Variants in UGT1A6 observed in about 807,000 individuals in gnomAD.
UGT1A6 encodes UDP glucuronosyltransferase family 1 member A6, also known as UDP-glucuronosyltransferase 1A6.
A neutral mutation model predicts 44.4 loss-of-function variants in UGT1A6; 32 were observed. The observed-to-expected ratio is 0.72, with a 90% CI of 0.54 to 0.97. The LOEUF is 0.97. Among genes scored for constraint, UGT1A6 ranks in the 50% least tolerant of loss-of-function variants. The probability of loss-of-function intolerance (pLI) is 0.00; values close to 1 mark genes in which losing one functional copy is unlikely to be tolerated. For missense variants in UGT1A6, 685 were observed against 661.9 expected, an observed-to-expected ratio of 1.03 and a Z score of -0.38; for synonymous variants, 238 against 248.5, an observed-to-expected ratio of 0.96 and a Z score of 0.40.
intron 1 of UGT1A6, among the ~76,000 whole-genome samples, chr2:233,720,925 G>A (rs1022099948): frequency 2.7e-5 from 4 of 149,372 alleles, no homozygotes; most frequent in African/African-American, 9.9e-5. Context: ...TAGCCAGGCT[G>A]GTCTTGAACT....
rs1191601958 is a variant in UGT1A6, at chr2:233,739,349, G to A, written c.862-27685G>A. ...GCCACAGTCCTTCAGAACCCAGAAGGGCAGATCCAATAGCTTGCACTGTGT... is the reference window on the plus strand; with the variant it reads ...GCCACAGTCCTTCAGAACCCAGAAGAGCAGATCCAATAGCTTGCACTGTGT... On this transcript the variant is annotated intron_variant, in intron 1 of 4. Coordinates refer to ENST00000305139, the MANE Select transcript of UGT1A6 (RefSeq NM_001072.4). Among the ~76,000 whole-genome samples, 6 of 152,284 alleles carry A rather than the reference G, an allele frequency of 3.9e-5. No homozygotes were observed. In the East Asian group the frequency reaches 5.8e-4, roughly 15 times the overall value.
At chr2:233,763,669 C>T (rs902437322) in intron 1 of UGT1A6, among the ~76,000 whole-genome samples, 1 of 152,168 alleles carries the variant, frequency 6.6e-6, no homozygotes, top group Non-Finnish European at 1.5e-5. Context: ...AACTCCTGAA[C>T]TTTAAGAATA....
At chr2:233,752,907 C>T (rs1171888690) in intron 1 of UGT1A6, among the ~76,000 whole-genome samples, 1 of 152,232 alleles carries the variant, frequency 6.6e-6, no homozygotes, top group East Asian at 1.9e-4. Flanking sequence ...ACAGATCCAC[C>T]TCTGAGTGAC....
chr2:233,743,232 T>C, intron 1 of UGT1A6: 1 of 418,014 alleles, frequency 2.4e-6, no homozygotes, highest in Non-Finnish European at 4.7e-6. Context: ...CTATTTATTA[T>C]GAAGGACTTT....
At chr2:233,742,091 C>T (rs1449888416) in intron 1 of UGT1A6, 1 of 151,792 alleles carries the variant, frequency 6.6e-6, no homozygotes, top group Non-Finnish European at 1.5e-5. Context: ...TTTACATTTC[C>T]AGGACCCACT....
intron 1 of UGT1A6, among the ~76,000 whole-genome samples, chr2:233,709,707 T>G (rs1363464719): frequency 6.6e-6 from 1 of 152,230 alleles, no homozygotes; most frequent in East Asian, 1.9e-4. Flanking sequence ...TGTTCTTTTT[T>G]AATTGAATGA....
intron 1 of UGT1A6, among the ~76,000 whole-genome samples, chr2:233,734,813 G>C (rs1170913968): frequency 6.6e-6 from 1 of 152,218 alleles, no homozygotes; most frequent in Non-Finnish European, 1.5e-5. Flanking sequence ...TTTCCATGTA[G>C]TTGTGCGATT....
At chr2:233,731,212 T>A (rs1194990804) in intron 1 of UGT1A6, among the ~76,000 whole-genome samples, 1 of 152,156 alleles carries the variant, frequency 6.6e-6, no homozygotes, top group Non-Finnish European at 1.5e-5. Context: ...TACGTGTTTA[T>A]TTAGATTTGT....
Position 233,718,936 on chromosome 2 carries a change from G to A in UGT1A6, c.861+25071G>A, listed in dbSNP as rs377569610. 7.4e-6 allele frequency: 12 copies of A among 1,614,050 alleles called. No homozygotes were observed. In the African/African-American group the frequency reaches 1.3e-4, roughly 18 times the overall value. Reference sequence around the variant, plus strand: ...GTGTTGGTGGTGCCCACTGATGGCAGCCCCTGGCTCAGCATGCGGGAGGCC... The same window carrying A: ...GTGTTGGTGGTGCCCACTGATGGCAACCCCTGGCTCAGCATGCGGGAGGCC... On this transcript the variant is annotated intron_variant, in intron 1 of 4. Coordinates refer to ENST00000305139, the MANE Select transcript of UGT1A6 (RefSeq NM_001072.4).
In UGT1A6 at chr2:233,768,227, G is replaced by A. The variant is rs751408172; in HGVS notation, c.1089G>A (p.Pro363=). The part of the protein sequence containing the change: ...WLPQNDLLGH[P]MTRAFITHAG... The stretch of plus-strand genomic sequence containing the variant: ...CCCTATTTTGCATCTCAGGTCACCC[G>A]ATGACCCGTGCCTTTATCACCCATG... Residue 363 remains proline, a synonymous_variant, in exon 4 of 5, where the codon CCG becomes CCA. Transcript: ENST00000305139. 1.3e-5 allele frequency: 21 copies of A among 1,614,014 alleles called. No individual in the cohort carries two copies. The highest frequency in any genetic ancestry group is 8.3e-5 in the Admixed American group (5 of 59,996).
intron 1 of UGT1A6, among the ~76,000 whole-genome samples, chr2:233,742,519 G>A (rs1399638498): frequency 6.6e-6 from 1 of 151,888 alleles, no homozygotes; most frequent in Admixed American, 6.5e-5. Flanking sequence ...ACACGTCACA[G>A]TGCTGCAGAG....
At chr2:233,721,607 A>C (rs1233448854) in intron 1 of UGT1A6, 2 of 179,574 alleles carry the variant, frequency 1.1e-5, no homozygotes, top group Non-Finnish European at 1.2e-5. Flanking sequence ...GTTTAGGAAC[A>C]ATTTGTTCCT....
intron 1 of UGT1A6, among the ~76,000 whole-genome samples, chr2:233,761,486 A>C (rs1697783062): frequency 6.6e-6 from 1 of 152,228 alleles, no homozygotes; most frequent in South Asian, 2.1e-4. Flanking sequence ...TGAAGCCTGC[A>C]CCTTGCCCTG....
chr2:233,765,014 C>G (rs1352821222), intron 1 of UGT1A6, among the ~76,000 whole-genome samples: 2 of 151,988 alleles, frequency 1.3e-5, no homozygotes, highest in Non-Finnish European at 1.5e-5. Context: ...CCAAATCAGG[C>G]TTGGCAGGAG....
chr2:233,721,851 C>A, intron 1 of UGT1A6: 1 of 513,702 alleles, frequency 1.9e-6, no homozygotes, highest in South Asian at 1.4e-5. Context: ...TCCAGCCCCA[C>A]TGCTCGGCCC....
chr2:233,769,069 T>C lies in UGT1A6; in HGVS notation c.1301+630T>C, dbSNP rs1362327235. On this transcript the variant is annotated intron_variant, in intron 4 of 4. Transcript: ENST00000305139. The surrounding 1 kb of genome is among the most constrained non-coding windows in gnomAD (Gnocchi z 4.4). ...CATAAGTTTCCTGCACAGAAAGAAA[T>C]ACTCCATTATAAGAAGCATAGTATC... is the stretch of plus-strand genomic sequence containing the variant. 1.3e-5 allele frequency among the ~76,000 whole-genome samples: 2 copies of C among 152,194 alleles called. No individual in the cohort carries two copies. Among genetic ancestry groups the C allele is most frequent in the Admixed American group, 6.5e-5 (1 of 15,280 alleles).
rs1402956787 is a variant in UGT1A6 at position 233,772,421 on chromosome 2, C to T, written c.1461C>T (p.Ser487=). 4.3e-6 allele frequency: 7 copies of T among 1,614,232 alleles called. No individual in the cohort carries two copies. The highest frequency in any genetic ancestry group is 1.6e-4 in the Middle Eastern group (1 of 6,062). ...AHDLTWYQYH[S]LDVIGFLLAV... ...ACCTCACCTGGTACCAGTACCATTC[C>T]TTGGACGTGATTGGTTTCCTCTTGG... Residue 487 remains serine (S), a synonymous_variant, in exon 5 of 5, where the codon TCC becomes TCT. Transcript: ENST00000305139.
At chr2:233,760,370 G>A in intron 1 of UGT1A6, 1 of 1,614,148 alleles carries the variant, frequency 6.2e-7, no homozygotes, top group Non-Finnish European at 8.5e-7. Context: ...TCCCATGCTG[G>A]GAAGATACTG....
rs375498105 is a variant in UGT1A6 at position 233,743,694 on chromosome 2, C to T, written c.862-23340C>T. 64 of 1,367,302 alleles carry T rather than the reference C, an allele frequency of 4.7e-5. No homozygotes were observed. In the African/African-American group the frequency reaches 6.5e-4, roughly 14 times the overall value. The allele number at this position is 1,367,302 out of a possible 1,614,324, so 84.7% of individuals were successfully genotyped here. A position where few individuals can be genotyped will look rare whatever the true frequency, so the allele number is the denominator to read the frequency against. ...AAGGGCCTGCCGCCTGTGCAGCCGC[C>T]CTCCGCCCCCGCCTCGCCATAGCGG... On this transcript the variant is annotated intron_variant, in intron 1 of 4. Coordinates refer to ENST00000305139, the MANE Select transcript of UGT1A6 (RefSeq NM_001072.4).
Sources: gnomAD v4.1 joint callset for allele counts (sites outside exome capture counted in the v4.1 genomes callset) on GRCh38, gnomAD v4.1.1 for gene constraint, Gnocchi (gnomAD v3.1) non-coding constraint, MANE v1.5 for transcripts, NCBI Gene and HGNC (gene_info 2026-07-23, HGNC 2026-07-21) for gene names.